Variants in PSME4 observed in about 807,000 individuals in gnomAD.
The protein encoded by PSME4 is proteasome activator complex subunit 4.
A neutral mutation model predicts 253.9 loss-of-function variants in PSME4; 89 were observed. The observed-to-expected ratio is 0.35, with a 90% CI of 0.30 to 0.42. PSME4 has a LOEUF of 0.42. Ranked by LOEUF, PSME4 falls within the 10% of genes least tolerant of loss-of-function variation. The probability of loss-of-function intolerance (pLI) is 1.00; values close to 1 mark genes in which losing one functional copy is unlikely to be tolerated. For missense variants in PSME4, 2,014 were observed against 2,195.2 expected (o/e 0.92, Z 1.65); for synonymous variants, 851 against 759.2 (o/e 1.12, Z -1.99).
intron 2 of PSME4, among the ~76,000 whole-genome samples, 168 bp from the exon 3 acceptor site, chr2:53,948,705 C>A (rs188305636): frequency 1.6e-4 from 25 of 152,318 alleles, no homozygotes; most frequent in African/African-American, 6.0e-4. Flanking sequence ...AAGAATAATG[C>A]ACCCAATTCT....
At chr2:53,899,536 G>A (rs759256919) in intron 29 of PSME4, among the ~76,000 whole-genome samples, 2 of 151,598 alleles carry the variant, frequency 1.3e-5, no homozygotes, top group East Asian at 1.9e-4. Context: ...ACTTACTATC[G>A]GCCAGGCGCA....
At chr2:53,873,438 A>C (rs1678988053) in intron 43 of PSME4, among the ~76,000 whole-genome samples, 1 of 152,194 alleles carries the variant, frequency 6.6e-6, no homozygotes, top group Admixed American at 6.5e-5. Context: ...CTTTACTACA[A>C]GACAAAACTA....
chr2:53,947,317 G>C (rs1669757761), intron 3 of PSME4, among the ~76,000 whole-genome samples: 1 of 152,166 alleles, frequency 6.6e-6, no homozygotes, highest in Admixed American at 6.5e-5. Context: ...ACATGCCTAA[G>C]ACTGAGAGAG....
Position 53,923,437 on chromosome 2 carries a change from TG to T in PSME4, c.1810-19del. The T allele has an allele frequency of 6.4e-7, 1 of 1,565,646 alleles. No individual in the cohort carries two copies. Among genetic ancestry groups the T allele is most frequent in the Non-Finnish European group, 8.6e-7 (1 of 1,162,314 alleles). Reference sequence around the variant, plus strand: ...AGGGCCACCTGTTAAGATATGAAAATGTTTAATGAGCATTTTTTAAGAAAAT... The same window carrying T: ...AGGGCCACCTGTTAAGATATGAAAATTTTAATGAGCATTTTTTAAGAAAAT... On this transcript the variant is annotated intron_variant, in intron 14 of 46. Coordinates refer to ENST00000404125, the MANE Select transcript of PSME4 (RefSeq NM_014614.3).
chr2:53,864,070 TAA>T lies in PSME4; in HGVS notation c.*1506_*1507del, dbSNP rs1678457724. 2 of 152,274 alleles carry T rather than the reference TAA, an allele frequency of 1.3e-5. No individual in the cohort carries two copies. Among genetic ancestry groups the T allele is most frequent in the Admixed American group, 1.3e-4 (2 of 15,294 alleles). The allele number at this position is 152,274 out of a possible 1,614,324, so 9.4% of individuals were successfully genotyped here. On this transcript the variant is annotated 3_prime_UTR_variant, in exon 47 of 47. Transcript: ENST00000404125. ...CTTAATGAAGACAAAAGCCAGGTGT[TAA>T]AAAGAATCCATTTATTGGGTTTTAA...
chr2:53,920,412 C>T, intron 18 of PSME4, 62 bp from the exon 19 acceptor site: 4 of 1,411,354 alleles, frequency 2.8e-6, no homozygotes, highest in Non-Finnish European at 3.8e-6. Context: ...AACAAACCCA[C>T]ATACATATAC....
chr2:53,948,579 G>A (rs1353559355), intron 2 of PSME4, 42 bp from the exon 3 acceptor site: 2 of 1,156,832 alleles, frequency 1.7e-6, no homozygotes, highest in Admixed American at 1.7e-5. Context: ...ATGCATATGT[G>A]CACAGATGTG....
chr2:53,904,975 G>A (rs550203579), intron 26 of PSME4, among the ~76,000 whole-genome samples: 38 of 149,026 alleles, frequency 2.5e-4, no homozygotes, highest in African/African-American at 8.9e-4. Context: ...GTGACAGAGC[G>A]AGACTCCGTC....
intron 3 of PSME4, among the ~76,000 whole-genome samples, chr2:53,945,334 G>C (rs534901733): frequency 1.4e-4 from 22 of 151,966 alleles, no homozygotes; most frequent in Non-Finnish European, 2.9e-4. Context: ...TTCTTATATC[G>C]CTAACAATTA....
intron 11 of PSME4, 61 bp from the exon 12 acceptor site, chr2:53,927,544 AC>A: frequency 8.8e-7 from 1 of 1,131,938 alleles, no homozygotes; most frequent in Non-Finnish European, 1.3e-6. Context: ...ATACAAGTAT[AC>A]CATGAACTAC....
intron 6 of PSME4, among the ~76,000 whole-genome samples, chr2:53,936,452 A>G (rs2104464108): frequency 6.6e-6 from 1 of 152,322 alleles, no homozygotes; most frequent in Non-Finnish European, 1.5e-5. Flanking sequence ...AATATCCACT[A>G]TATGTCCAGC....
At chr2:53,893,525 A>G (rs1291074110) in intron 35 of PSME4, 149 bp downstream of exon 35, 6 of 1,429,872 alleles carry the variant, frequency 4.2e-6, no homozygotes, top group African/African-American at 1.5e-5. Context: ...AATAACGACA[A>G]CAAAAGTCTG....
chr2:53,926,127 A>G, intron 12 of PSME4, 104 bp from the exon 13 acceptor site: 1 of 832,500 alleles, frequency 1.2e-6, no homozygotes, highest in South Asian at 1.6e-5. Context: ...ACACTAAACC[A>G]TTATATTGGG....
At chr2:53,887,716 C>A in intron 39 of PSME4, 142 bp downstream of exon 39, 1 of 1,166,248 alleles carries the variant, frequency 8.6e-7, no homozygotes, top group Non-Finnish European at 1.2e-6. Flanking sequence ...ATCTTGTTTC[C>A]CACGACACAA....
Position 53,887,484 on chromosome 2 carries a change from T to C in PSME4, c.4521-17A>G. On this transcript the variant is annotated splice_polypyrimidine_tract_variant and intron_variant, in intron 39 of 46. Transcript: ENST00000404125. ...GTCAGCACACTGCAAAATAAAATAC[T>C]TAATAATAGGAAGAGGTGCCACATT... 6.3e-7 allele frequency: 1 copy of C among 1,587,338 alleles called. No individual in the cohort carries two copies. The highest frequency in any genetic ancestry group is 8.6e-7 in the Non-Finnish European group (1 of 1,159,740).
intron 17 of PSME4, among the ~76,000 whole-genome samples, chr2:53,921,420 T>C (rs1668309936): frequency 6.6e-6 from 1 of 151,562 alleles, no homozygotes; most frequent in Non-Finnish European, 1.5e-5. Flanking sequence ...ATAATTTTTG[T>C]ATTTTTAGTA....
intron 3 of PSME4, among the ~76,000 whole-genome samples, chr2:53,943,671 T>C (rs997162837): frequency 2.0e-5 from 3 of 151,770 alleles, no homozygotes; most frequent in African/African-American, 4.8e-5. Context: ...TGAAACCCCA[T>C]CTCTACTAAA....
chr2:53,884,431 G>C (rs954024903), intron 41 of PSME4, among the ~76,000 whole-genome samples: 1 of 149,540 alleles, frequency 6.7e-6, no homozygotes, highest in Non-Finnish European at 1.5e-5. Context: ...GGATGGTCTC[G>C]ATCTCTTGAC....
At chr2:53,919,813 A>C (rs948671573) in intron 19 of PSME4, among the ~76,000 whole-genome samples, 1 of 150,252 alleles carries the variant, frequency 6.7e-6, no homozygotes, top group African/African-American at 2.4e-5. Context: ...CCTGTGGGAG[A>C]GGGAAAAAAA....
Sources: gnomAD v4.1 joint callset for allele counts (sites outside exome capture counted in the v4.1 genomes callset) on GRCh38, gnomAD v4.1.1 for gene constraint, MANE v1.5 for transcripts, NCBI Gene and HGNC (gene_info 2026-07-23, HGNC 2026-07-21) for gene names.